CTNNA3: variants seen among roughly 807,000 people sequenced by gnomAD.
CTNNA3 encodes catenin alpha 3.
CTNNA3 carries 76 observed loss-of-function variants against 95.7 expected under a neutral mutation model. The ratio of observed to expected loss-of-function variants is 0.79; its 90% CI spans 0.66 to 0.96. CTNNA3 has a LOEUF of 0.96. Among genes scored for constraint, CTNNA3 ranks in the 40% least tolerant of loss-of-function variants. CTNNA3 has a pLI of 0.00. For synonymous variants in CTNNA3, 431 were observed against 374.4 expected, an observed-to-expected ratio of 1.15 and a Z score of -1.74; for missense variants, 1,191 against 1,089.8, an observed-to-expected ratio of 1.09 and a Z score of -1.31.
chr10:66,543,909 GTGTATATATATA>G (rs1405928334), intron 10 of CTNNA3, among the ~76,000 whole-genome samples: 11 of 9,708 alleles, frequency 1.1e-3, no homozygotes, highest in South Asian at 5.9e-3. Flanking sequence ...ATGTGTGTGT[GTGTATATATATA>G]TATATATATA....
intron 11 of CTNNA3, among the ~76,000 whole-genome samples, chr10:66,487,180 GAT>G (rs1491540257): frequency 4.6e-5 from 4 of 87,510 alleles, no homozygotes; most frequent in Admixed American, 1.3e-4. Flanking sequence ...TAAAAGGGCA[GAT>G]TTTTTTTTTT....
intron 14 of CTNNA3, among the ~76,000 whole-genome samples, chr10:66,099,898 T>C (rs1221872092): frequency 1.3e-5 from 2 of 152,098 alleles, no homozygotes; most frequent in Non-Finnish European, 2.9e-5. Context: ...TCACAGAAGG[T>C]CTGAGTCTGA....
intron 13 of CTNNA3, among the ~76,000 whole-genome samples, chr10:66,106,337 T>TTGTGTGTGTGTGTGTGTTTGTG (rs2081908302): frequency 6.9e-6 from 1 of 145,442 alleles, no homozygotes; most frequent in Non-Finnish European, 1.5e-5. Flanking sequence ...GTGTGTGTGT[T>TTGTGTGTGTGTGTGTGTTTGTG]TGTGTGTGTG....
chr10:66,833,153 T>C (rs1842779569), intron 7 of CTNNA3, among the ~76,000 whole-genome samples: 1 of 152,230 alleles, frequency 6.6e-6, no homozygotes, highest in Admixed American at 6.5e-5. Context: ...TGTTGCTAGG[T>C]AGTCCTCTGA....
intron 5 of CTNNA3, among the ~76,000 whole-genome samples, chr10:67,289,291 G>A (rs533556353): frequency 2.0e-5 from 3 of 152,126 alleles, no homozygotes; most frequent in South Asian, 2.1e-4. Flanking sequence ...AGAGAGAGGA[G>A]AGAAAGAAAG....
At chr10:66,012,574 T>C (rs190634259) in intron 15 of CTNNA3, among the ~76,000 whole-genome samples, 21 of 152,210 alleles carry the variant, frequency 1.4e-4, no homozygotes, top group Non-Finnish European at 2.6e-4. Flanking sequence ...TACATAATCA[T>C]AGATAATCAG....
At chr10:66,872,239 G>A (rs915878407) in intron 7 of CTNNA3, among the ~76,000 whole-genome samples, 2 of 152,078 alleles carry the variant, frequency 1.3e-5, no homozygotes, top group African/African-American at 4.8e-5. Context: ...TGCAGGTGTT[G>A]TTAACCACAT....
chr10:66,723,416 T>C (rs937454926), intron 9 of CTNNA3, among the ~76,000 whole-genome samples: 1 of 152,042 alleles, frequency 6.6e-6, no homozygotes, highest in African/African-American at 2.4e-5. Context: ...ACACTCTAAA[T>C]TGTACCCTTG....
chr10:66,574,756 C>T (rs535613725), intron 10 of CTNNA3, among the ~76,000 whole-genome samples: 1 of 152,190 alleles, frequency 6.6e-6, no homozygotes, highest in South Asian at 2.1e-4. Flanking sequence ...TTTTTTACTA[C>T]AGTTTTCCTC....
At chr10:67,480,101 C>T (rs1293269840) in intron 5 of CTNNA3, among the ~76,000 whole-genome samples, 1 of 150,734 alleles carries the variant, frequency 6.6e-6, no homozygotes, top group East Asian at 1.9e-4. Context: ...CAAAGCCCAC[C>T]AACCAAAAAA....
intron 7 of CTNNA3, among the ~76,000 whole-genome samples, chr10:67,130,899 T>C (rs1859968446): frequency 1.3e-5 from 2 of 152,046 alleles, no homozygotes; most frequent in Non-Finnish European, 1.5e-5. Flanking sequence ...CATTAACTTC[T>C]GGCATTTTGG....
chr10:66,387,455 G>C (rs1254552707), intron 11 of CTNNA3, among the ~76,000 whole-genome samples: 1 of 152,140 alleles, frequency 6.6e-6, no homozygotes, highest in Non-Finnish European at 1.5e-5. Flanking sequence ...ACAGATGCTG[G>C]ACAGGATGTG....
chr10:67,348,299 G>A (rs559578068), intron 5 of CTNNA3, among the ~76,000 whole-genome samples: 2 of 152,178 alleles, frequency 1.3e-5, no homozygotes, highest in East Asian at 3.9e-4. Context: ...AAACAAATGA[G>A]CCCACATCAA....
rs185526447 is a variant in CTNNA3, at chr10:66,904,001, C to T, written c.1048-128477G>A. ...GTCGTCCTCACCAAGCTACCAATGACTTTCTTCACAGAATTGGAAAAAACT... is the reference window on the plus strand; with the variant it reads ...GTCGTCCTCACCAAGCTACCAATGATTTTCTTCACAGAATTGGAAAAAACT... On this transcript the variant is annotated intron_variant, in intron 7 of 17. Transcript: ENST00000433211. Among the ~76,000 whole-genome samples, 97 of 152,286 alleles carry T rather than the reference C, an allele frequency of 6.4e-4. 1 individual carries two copies. The highest frequency in any genetic ancestry group is 2.0e-3 in the African/African-American group (84 of 41,550).
intron 9 of CTNNA3, among the ~76,000 whole-genome samples, chr10:66,689,250 T>A (rs1847424480): frequency 6.6e-6 from 1 of 152,250 alleles, no homozygotes. Context: ...ATAAAAATTT[T>A]TTTTGAAACA....
At chr10:67,504,876 G>A (rs1054481002) in intron 5 of CTNNA3, among the ~76,000 whole-genome samples, 2 of 152,114 alleles carry the variant, frequency 1.3e-5, no homozygotes, top group South Asian at 4.1e-4. Context: ...GTTCAGGTAC[G>A]CTTAATTTAT....
In CTNNA3 at chr10:66,675,015, G is replaced by A. The variant is rs543355446; in HGVS notation, c.1282-53231C>T. On this transcript the variant is annotated intron_variant, in intron 9 of 17. Transcript: ENST00000433211. Reference sequence around the variant, plus strand: ...ATTTCAGCTATCTTCTCTCTGCAGAGCTCTAATAAATCCTAGAGGGCCTCT... The same window carrying A: ...ATTTCAGCTATCTTCTCTCTGCAGAACTCTAATAAATCCTAGAGGGCCTCT... 5.9e-5 allele frequency among the ~76,000 whole-genome samples: 9 copies of A among 152,174 alleles called. No homozygotes were observed. The East Asian group carries it at 7.7e-4, about 13-fold the overall frequency.
intron 7 of CTNNA3, among the ~76,000 whole-genome samples, chr10:66,833,993 T>G (rs1842812116): frequency 1.3e-5 from 2 of 152,210 alleles, no homozygotes; most frequent in Admixed American, 1.3e-4. Flanking sequence ...CAAAATGTTA[T>G]TGGGAAGGTA....
chr10:66,934,881 A>G (rs1847605988), intron 7 of CTNNA3, among the ~76,000 whole-genome samples: 1 of 152,144 alleles, frequency 6.6e-6, no homozygotes, highest in South Asian at 2.1e-4. Context: ...GTCAGTAAGG[A>G]GGCAATGACT....
Sources: gnomAD v4.1 joint callset for allele counts (sites outside exome capture counted in the v4.1 genomes callset) on GRCh38, gnomAD v4.1.1 for gene constraint, MANE v1.5 for transcripts, NCBI Gene and HGNC (gene_info 2026-07-23, HGNC 2026-07-21) for gene names.